NDRG2: variants seen among roughly 807,000 people sequenced by gnomAD.
NDRG2 encodes the protein protein NDRG2.
A neutral mutation model predicts 58.2 loss-of-function variants in NDRG2; 34 were observed. The ratio of observed to expected loss-of-function variants is 0.58; its 90% CI spans 0.44 to 0.78. The LOEUF (loss-of-function observed/expected upper bound fraction) is 0.78, where lower values mean the gene tolerates loss of function less well. Ranked by LOEUF, NDRG2 falls within the 30% of genes least tolerant of loss-of-function variation. NDRG2 has a pLI of 0.00. For missense variants in NDRG2, 434 were observed against 471.2 expected (o/e 0.92, Z 0.73); for synonymous variants, 187 against 175.9 (o/e 1.06, Z -0.50).
In NDRG2 at chr14:21,016,974, G is replaced by A. The variant is rs564276248; in HGVS notation, c.*622C>T. 366 of 456,470 alleles carry A rather than the reference G, an allele frequency of 8.0e-4. No homozygotes were observed. Among genetic ancestry groups the A allele is most frequent in the South Asian group, 5.5e-3 (358 of 64,550 alleles). The allele number at this position is 456,470 out of a possible 1,614,324, so 28.3% of individuals were successfully genotyped here. The stretch of plus-strand genomic sequence containing the variant: ...GCTACCAAAGTTAGTGCAGCCAAAC[G>A]GCCCCAGGCCCCTTCCTGTTGCCCC... On this transcript the variant is annotated 3_prime_UTR_variant, in exon 16 of 16. Coordinates refer to ENST00000556147, the MANE Select transcript of NDRG2 (RefSeq NM_001320329.2).
chr14:21,019,252 C>G, intron 10 of NDRG2, 92 bp from the exon 11 acceptor site: 1 of 1,251,946 alleles, frequency 8.0e-7, no homozygotes, highest in South Asian at 1.4e-5. Flanking sequence ...CTATCTTTGT[C>G]TAAAAATTAC....
intron 2 of NDRG2, 163 bp from the exon 3 acceptor site, chr14:21,023,068 G>A (rs1881591128): frequency 1.0e-6 from 1 of 981,476 alleles, no homozygotes; most frequent in Non-Finnish European, 1.6e-6. Context: ...GGTTAGTGTA[G>A]TGACGAGACA....
rs146531166 is a variant in NDRG2, at chr14:21,049,287, G to A, written c.24+21541C>T. 1.0e-3 allele frequency among the ~76,000 whole-genome samples: 159 copies of A among 152,222 alleles called. 1 individual carries two copies. The highest frequency in any genetic ancestry group is 2.5e-3 in the Admixed American group (39 of 15,298). ...TATATTTTTCCCACCCTCTGATTCA[G>A]CTCCATTTTCTGGTTCATTTTTCAT... On this transcript the variant is annotated intron_variant, in intron 1 of 14. Coordinates refer to the NDRG2 transcript ENST00000403829.
At position 21,053,016 on chromosome 14, in the gene NDRG2, G is replaced by A. The variant is rs80237978; in HGVS notation, c.24+17812C>T. The stretch of plus-strand genomic sequence containing the variant: ...GATGAAAGATTAGAAACAGTCAAAG[G>A]AGACCAGTATTTTCAACTGGAAGCG... On this transcript the variant is annotated intron_variant, in intron 1 of 14. Coordinates refer to the NDRG2 transcript ENST00000403829. 9.0e-3 allele frequency among the ~76,000 whole-genome samples: 1,364 copies of A among 152,272 alleles called. 26 individuals carry two copies. The highest frequency in any genetic ancestry group is 0.031 in the African/African-American group (1,295 of 41,542).
chr14:21,019,892 C>G, intron 9 of NDRG2, 28 bp downstream of exon 9: 1 of 1,612,934 alleles, frequency 6.2e-7, no homozygotes, highest in Non-Finnish European at 8.5e-7. Flanking sequence ...CTCCCGTCGA[C>G]TCTTCTACAT....
chr14:21,057,288 T>C (rs968787287), intron 1 of NDRG2, among the ~76,000 whole-genome samples: 6 of 151,978 alleles, frequency 3.9e-5, no homozygotes, highest in African/African-American at 9.7e-5. Context: ...TAGAAAAAAT[T>C]AGCTAGGCGT....
At chr14:21,053,541 C>G (rs534883112) in intron 1 of NDRG2, among the ~76,000 whole-genome samples, 3 of 152,024 alleles carry the variant, frequency 2.0e-5, no homozygotes, top group Non-Finnish European at 4.4e-5. Context: ...GCAGGAGAAT[C>G]GCTTGAACCC....
At chr14:21,067,526 G>T (rs1327220618) in intron 1 of NDRG2, among the ~76,000 whole-genome samples, 1 of 152,110 alleles carries the variant, frequency 6.6e-6, no homozygotes, top group Non-Finnish European at 1.5e-5. Context: ...CATTTACTGT[G>T]TAGCTTAGAG....
chr14:21,044,934 G>A (rs775478228), intron 1 of NDRG2, among the ~76,000 whole-genome samples: 18 of 152,142 alleles, frequency 1.2e-4, no homozygotes, highest in Admixed American at 3.9e-4. Flanking sequence ...CCTGACTCCC[G>A]TCTACATGAC....
Position 21,017,356 on chromosome 14 carries a change from G to A in NDRG2, c.*240C>T, listed in dbSNP as rs768880597. The A allele has an allele frequency of 2.6e-4, 150 of 567,450 alleles. 1 individual carries two copies. The highest frequency in any genetic ancestry group is 2.4e-3 in the Middle Eastern group (5 of 2,086). 35.2% of individuals were successfully genotyped at this position (567,450 alleles called of 1,614,324 possible). Reference sequence around the variant, plus strand: ...CCTCTCCACCTTAACATCAAAATGGGGGAGGAGGAGAATTTAGGGGTCTGG... The same window carrying A: ...CCTCTCCACCTTAACATCAAAATGGAGGAGGAGGAGAATTTAGGGGTCTGG... On this transcript the variant is annotated 3_prime_UTR_variant, in exon 16 of 16. Transcript: ENST00000556147.
chr14:21,066,029 G>A (rs1304580402), intron 1 of NDRG2, among the ~76,000 whole-genome samples: 1 of 152,112 alleles, frequency 6.6e-6, no homozygotes, highest in Non-Finnish European at 1.5e-5. Flanking sequence ...CACCTGGGAG[G>A]TACAGGTTGC....
chr14:21,048,049 A>G (rs1012650575), intron 1 of NDRG2, among the ~76,000 whole-genome samples: 6 of 152,068 alleles, frequency 3.9e-5, no homozygotes, highest in African/African-American at 7.2e-5. Context: ...GCACCAAAAA[A>G]CATACCAGTA....
At chr14:21,064,604 C>G (rs1011649903) in intron 1 of NDRG2, among the ~76,000 whole-genome samples, 17 of 152,136 alleles carry the variant, frequency 1.1e-4, no homozygotes, top group African/African-American at 3.9e-4. Context: ...ACCCAGCCTA[C>G]TTGATGCTTT....
intron 1 of NDRG2, among the ~76,000 whole-genome samples, chr14:21,047,610 G>T (rs574303211): frequency 1.2e-4 from 18 of 152,334 alleles, no homozygotes; most frequent in African/African-American, 4.3e-4. Flanking sequence ...AAAGGAGAAT[G>T]CTTAATTATG....
At chr14:21,028,438 TTATC>T (rs956142881), upstream of NDRG2, 1 of 152,048 alleles carries the variant, frequency 6.6e-6, no homozygotes, top group Non-Finnish European at 1.5e-5. Context: ...TATTATTTAT[TTATC>T]TAGAGACAAG....
At chr14:21,032,060 G>T (rs768298020) in intron 1 of NDRG2, 1 of 1,613,746 alleles carries the variant, frequency 6.2e-7, no homozygotes, top group East Asian at 2.2e-5. Context: ...TGGCACCTAC[G>T]ATAAGAAGAC....
At chr14:21,034,343 T>A (rs984820311) in intron 1 of NDRG2, 8 of 1,303,146 alleles carry the variant, frequency 6.1e-6, no homozygotes, top group African/African-American at 3.0e-5. Flanking sequence ...CTGAAGTGGC[T>A]GTCTGCCACA....
At chr14:21,029,750 T>A (rs1274661040), upstream of NDRG2, among the ~76,000 whole-genome samples, 1 of 152,166 alleles carries the variant, frequency 6.6e-6, no homozygotes, top group Non-Finnish European at 1.5e-5. Context: ...AGGGAACTCA[T>A]TCACCCCTTC....
Position 21,070,527 on chromosome 14 carries a change from C to G in NDRG2, c.24+301G>C. On this transcript the variant is annotated intron_variant, in intron 1 of 14. Coordinates refer to the NDRG2 transcript ENST00000403829. This position sits in a 1 kb window ranked among gnomAD's most constrained non-coding sequence, Gnocchi z 4.7. ...GTTCGGCCCCTCTGGGACTCTCCTC[C>G]CTCCCATCCCCCCTTCTTCGATTTG... 1 of 1,135,658 alleles carries G rather than the reference C, an allele frequency of 8.8e-7. No individual in the cohort carries two copies. Among genetic ancestry groups the G allele is most frequent in the Non-Finnish European group, 1.2e-6 (1 of 841,080 alleles). The allele number at this position is 1,135,658 out of a possible 1,614,324, so 70.3% of individuals were successfully genotyped here. A position where few individuals can be genotyped will look rare whatever the true frequency, so the allele number is the denominator to read the frequency against.
Sources: allele counts gnomAD v4.1 joint callset (sites outside exome capture counted in the v4.1 genomes callset), GRCh38; gene constraint gnomAD v4.1.1; non-coding constraint Gnocchi (gnomAD v3.1); transcripts MANE v1.5; gene names NCBI Gene and HGNC (gene_info 2026-07-23, HGNC 2026-07-21).